COL4A2: variants seen among roughly 807,000 people sequenced by gnomAD.
The protein encoded by COL4A2 is collagen type IV alpha 2 chain.
A neutral mutation model predicts 200.2 loss-of-function variants in COL4A2; 99 were observed. The ratio of observed to expected loss-of-function variants is 0.49; its 90% confidence interval spans 0.42 to 0.58. COL4A2 has a LOEUF of 0.58. Ranked by LOEUF, COL4A2 falls within the 20% of genes least tolerant of loss-of-function variation. The pLI, the probability that COL4A2 is intolerant of heterozygous loss-of-function variation, is 0.00. For synonymous variants in COL4A2, 897 were observed against 900.6 expected, an observed-to-expected ratio of 1.00 and a Z score of 0.07; for missense variants, 1,950 against 2,314.1, an observed-to-expected ratio of 0.84 and a Z score of 3.23.
intron 4 of COL4A2, among the ~76,000 whole-genome samples, chr13:110,385,297 T>C (rs541072706): frequency 6.6e-6 from 1 of 151,978 alleles, no homozygotes; most frequent in East Asian, 1.9e-4. Context: ...AACCACAGTA[T>C]GAACTAAAAG....
chr13:110,492,028 G>T, intron 37 of COL4A2, 42 bp from the exon 38 acceptor site: 1 of 1,514,016 alleles, frequency 6.6e-7, no homozygotes, highest in South Asian at 1.2e-5. Context: ...CAGCGCCCAA[G>T]GTGTCCTGTG....
intron 12 of COL4A2, 57 bp downstream of exon 12, chr13:110,434,499 T>C: frequency 6.5e-7 from 1 of 1,540,696 alleles, no homozygotes; most frequent in Non-Finnish European, 8.9e-7. Flanking sequence ...AGCCAGGAAA[T>C]AAATCATTTT....
intron 3 of COL4A2, among the ~76,000 whole-genome samples, chr13:110,333,846 G>A (rs1056035608): frequency 6.6e-6 from 1 of 152,198 alleles, no homozygotes; most frequent in South Asian, 2.1e-4. Context: ...TTCTTATCAC[G>A]ATCTAGGTCC....
Position 110,468,250 on chromosome 13 carries a change from T to C in COL4A2, c.2096-967T>C, listed in dbSNP as rs139610858. On this transcript the variant is annotated intron_variant, in intron 27 of 47. Coordinates refer to ENST00000360467, the MANE Select transcript of COL4A2 (RefSeq NM_001846.4). ...GTATCATTTGCACTGTGAGCAGAGG[T>C]AAAGGCTCCTTGTGTTGTCTTCTGA... 3.0e-4 allele frequency: 143 copies of C among 471,534 alleles called. 1 individual carries two copies. Among genetic ancestry groups the C allele is most frequent in the African/African-American group, 2.1e-3 (103 of 50,156 alleles). 29.2% of individuals were successfully genotyped at this position (471,534 alleles called of 1,614,324 possible). A position where few individuals can be genotyped will look rare whatever the true frequency, so the allele number is the denominator to read the frequency against.
intron 28 of COL4A2, among the ~76,000 whole-genome samples, chr13:110,469,870 G>A (rs1882396046): frequency 6.7e-6 from 1 of 148,538 alleles, no homozygotes; most frequent in African/African-American, 2.5e-5. Context: ...GTGCATGAGT[G>A]TGATGGCACT....
In COL4A2 at chr13:110,413,205, C is replaced by T. The variant is rs185634961; in HGVS notation, c.181-11529C>T. ...AATAGAAGATTCCATGTGGGAAGAA[C>T]ATGAATTTCGGAGCCAGGCAGAGGG... On this transcript the variant is annotated intron_variant, in intron 4 of 47. Transcript: ENST00000360467. 1.2e-3 allele frequency among the ~76,000 whole-genome samples: 179 copies of T among 152,280 alleles called. 1 individual carries two copies. Among genetic ancestry groups the T allele is most frequent in the African/African-American group, 4.1e-3 (170 of 41,568 alleles).
chr13:110,491,981 C>A, intron 37 of COL4A2, 89 bp from the exon 38 acceptor site: 1 of 1,177,744 alleles, frequency 8.5e-7, no homozygotes, highest in Non-Finnish European at 1.2e-6. Context: ...TCGGCCCCTC[C>A]CAGAGCGGCT....
intron 43 of COL4A2, 32 bp from the exon 44 acceptor site, chr13:110,503,815 T>A (rs541801882): frequency 6.2e-7 from 1 of 1,613,418 alleles, no homozygotes; most frequent in African/African-American, 1.3e-5. Context: ...CGACCTTGTG[T>A]GTTTACTGGG....
At chr13:110,320,936 G>A (rs1030606871) in intron 3 of COL4A2, among the ~76,000 whole-genome samples, 1 of 152,076 alleles carries the variant, frequency 6.6e-6, no homozygotes, top group African/African-American at 2.4e-5. Flanking sequence ...TAGAAAAAAG[G>A]CCTGTTTCAT....
intron 3 of COL4A2, among the ~76,000 whole-genome samples, chr13:110,325,425 T>C (rs1321106075): frequency 6.6e-6 from 1 of 152,190 alleles, no homozygotes; most frequent in African/African-American, 2.4e-5. Context: ...AGTTAAAACA[T>C]CTCTCAGACA....
chr13:110,415,618 A>C (rs933173114), intron 4 of COL4A2, among the ~76,000 whole-genome samples: 11 of 152,174 alleles, frequency 7.2e-5, no homozygotes, highest in African/African-American at 2.7e-4. Context: ...TAACTTAAAG[A>C]ATTTTTTTTT....
At chr13:110,317,995 C>A (rs1885185471) in intron 3 of COL4A2, among the ~76,000 whole-genome samples, 1 of 152,160 alleles carries the variant, frequency 6.6e-6, no homozygotes, top group African/African-American at 2.4e-5. Flanking sequence ...CGTGTTTGTG[C>A]TGCTGTTTTT....
chr13:110,393,756 A>G (rs1376362338), intron 4 of COL4A2, among the ~76,000 whole-genome samples: 2 of 152,140 alleles, frequency 1.3e-5, no homozygotes, highest in African/African-American at 4.8e-5. Context: ...GCACACACCT[A>G]TAATCCCGGC....
chr13:110,429,366 GA>G (rs2139458196), intron 7 of COL4A2: 1 of 153,232 alleles, frequency 6.5e-6, no homozygotes, highest in African/African-American at 2.4e-5. Flanking sequence ...TCATTATCAA[GA>G]AACATATCTA....
intron 3 of COL4A2, among the ~76,000 whole-genome samples, chr13:110,343,407 G>A (rs768662191): frequency 5.3e-5 from 8 of 152,170 alleles, no homozygotes; most frequent in Non-Finnish European, 8.8e-5. Context: ...TGAGTTCACA[G>A]CAAAGGCATC....
chr13:110,474,335 T>C (rs992147226), intron 29 of COL4A2, among the ~76,000 whole-genome samples: 1 of 152,176 alleles, frequency 6.6e-6, no homozygotes, highest in African/African-American at 2.4e-5. Context: ...AGGCCTCCAC[T>C]GGCAGGCGAA....
chr13:110,461,261 T>G (rs7323041), intron 22 of COL4A2, among the ~76,000 whole-genome samples: 86,634 of 152,150 alleles, frequency 0.57, 25,431 homozygotes, highest in Middle Eastern at 0.73. Context: ...CATACCTGGA[T>G]TAACCTGCTT....
intron 14 of COL4A2, 128 bp from the exon 15 acceptor site, chr13:110,438,490 C>A (rs371781147): frequency 1.6e-6 from 2 of 1,262,874 alleles, no homozygotes; most frequent in Non-Finnish European, 2.3e-6. Flanking sequence ...AGTTGAGCAT[C>A]GCCAGGCGGT....
chr13:110,478,156 G>A lies in COL4A2; in HGVS notation c.2579G>A (p.Gly860Asp). 1.3e-6 allele frequency: 2 copies of A among 1,592,302 alleles called. No homozygotes were observed. Among genetic ancestry groups the A allele is most frequent in the Admixed American group, 1.7e-5 (1 of 57,570 alleles). Residue 860 changes from glycine (G) to aspartate (D), a missense_variant, in exon 30 of 48, where the codon GGC becomes GAC. Transcript: ENST00000360467. ...CCCTTGGGGCTGCCAGGAATCCCAGGCCGTGAAGGTAAGACCCCAGCCCTC... is the reference window on the plus strand; with the variant it reads ...CCCTTGGGGCTGCCAGGAATCCCAGACCGTGAAGGTAAGACCCCAGCCCTC... ...EGPLGLPGIPGREGLPGDRGD... is the reference protein window; with the variant it reads ...EGPLGLPGIPDREGLPGDRGD...
Sources: gnomAD v4.1 joint callset for allele counts (sites outside exome capture counted in the v4.1 genomes callset) on GRCh38, gnomAD v4.1.1 for gene constraint, MANE v1.5 for transcripts, NCBI Gene and HGNC (gene_info 2026-07-23, HGNC 2026-07-21) for gene names.